SVEP1: variants seen among roughly 807,000 people sequenced by gnomAD.
SVEP1 encodes the protein sushi, von Willebrand factor type A, EGF and pentraxin domain containing 1.
In SVEP1, 164 loss-of-function variants were observed where a neutral mutation model predicts 367.3. The observed-to-expected ratio is 0.45, with a 90% CI of 0.39 to 0.51. The LOEUF (loss-of-function observed/expected upper bound fraction) is 0.51. Ranked by LOEUF, SVEP1 falls within the 20% of genes least tolerant of loss-of-function variation. The pLI, the probability that SVEP1 is intolerant of heterozygous loss-of-function variation, is 0.00. For missense variants in SVEP1, 4,117 were observed against 4,425.3 expected, an observed-to-expected ratio of 0.93 and a Z score of 1.98; for synonymous variants, 1,666 against 1,611.6, an observed-to-expected ratio of 1.03 and a Z score of -0.81.
At chr9:110,450,742 T>G (rs1450926087) in intron 23 of SVEP1, among the ~76,000 whole-genome samples, 1 of 152,076 alleles carries the variant, frequency 6.6e-6, no homozygotes, top group Non-Finnish European at 1.5e-5. Flanking sequence ...CCCAAAATGC[T>G]GGGATTACAG....
Position 110,404,415 on chromosome 9 carries a change from T to G in SVEP1, c.9578A>C (p.His3193Pro), listed in dbSNP as rs754163962. ...CCTATTCACACTGAAATCGTCCCCA[T>G]GTACAAGTATATGTGTTATGTTTTC... The part of the protein sequence containing the change: ...LPENITHILV[H>P]GDDFSVNRQV... The change falls in exon 39 of 48, where the codon CAT (histidine) becomes CCT (proline). Residue 3193 changes from histidine (H) to proline (P), a missense_variant. His to Pro is a moderately conservative substitution (Grantham distance 77, BLOSUM62 -2). Around this residue, in one of 4 missense-constraint regions of SVEP1, gnomAD observed 1,765 missense variants for 1,781.1 expected, o/e 0.99. Transcript: ENST00000374469. 6.2e-7 allele frequency: 1 copy of G among 1,614,002 alleles called. No homozygotes were observed. Among genetic ancestry groups the G allele is most frequent in the Non-Finnish European group, 8.5e-7 (1 of 1,179,878 alleles).
At chr9:110,565,107 C>G (rs1316358191) in intron 1 of SVEP1, among the ~76,000 whole-genome samples, 1 of 151,958 alleles carries the variant, frequency 6.6e-6, no homozygotes, top group Non-Finnish European at 1.5e-5. Flanking sequence ...TGTTTTTTAC[C>G]TGAAGAAAGT....
rs1280160209 is a variant in SVEP1, at chr9:110,408,362, A to G, written c.7238T>C (p.Phe2413Ser). 6.2e-7 allele frequency: 1 copy of G among 1,613,840 alleles called. No individual in the cohort carries two copies. The highest frequency in any genetic ancestry group is 8.5e-7 in the Non-Finnish European group (1 of 1,179,892). ...TVKYSCVGGF[F>S]LRGNSTTLCQ... ...GAGGGTGGTAGAATTTCCTCTTAGG[A>G]AAAACCCACCTACACAAGAATACTT... The change falls in exon 38 of 48, where the codon TTC (phenylalanine) becomes TCC (serine). Residue 2413 changes from phenylalanine to serine, a missense_variant. Transcript: ENST00000374469.
rs995591066 is a variant in SVEP1, at chr9:110,560,284, G to T, written c.532-10180C>A. On this transcript the variant is annotated intron_variant, in intron 1 of 47. Transcript: ENST00000374469. Reference sequence around the variant, plus strand: ...GTGATTAGTAGGCTATACCACCCAGGTTTTTGTAAATACAGTCTGTGATAT... The same window carrying T: ...GTGATTAGTAGGCTATACCACCCAGTTTTTTGTAAATACAGTCTGTGATAT... Among the ~76,000 whole-genome samples the T allele has an allele frequency of 3.9e-5, 6 of 152,244 alleles. No individual in the cohort carries two copies. The South Asian group carries it at 1.0e-3, about 26-fold the overall frequency.
Position 110,546,125 on chromosome 9 carries a change from A to G in SVEP1, c.954T>C (p.Tyr318=). The G allele has an allele frequency of 6.4e-7, 1 of 1,552,378 alleles. No individual in the cohort carries two copies. ...AGATTGGAGACTCACCTGTGCATTC[A>G]TACTGCAGACCTTTCCCGTAATACC... ...EKGYYGKGLQ[Y]ECTACPSGTY... The change falls in exon 3 of 48, where the codon TAT becomes TAC. Residue 318 remains tyrosine, a synonymous_variant. Coordinates refer to ENST00000374469, the MANE Select transcript of SVEP1 (RefSeq NM_153366.4).
intron 12 of SVEP1, among the ~76,000 whole-genome samples, chr9:110,480,357 G>C: frequency 6.6e-6 from 1 of 152,024 alleles, no homozygotes; most frequent in East Asian, 1.9e-4. Context: ...CTGCAGTTTG[G>C]GGGGAAAATA....
chr9:110,500,162 C>G (rs1829510797), intron 6 of SVEP1, among the ~76,000 whole-genome samples: 2 of 152,160 alleles, frequency 1.3e-5, no homozygotes, highest in South Asian at 4.1e-4. Flanking sequence ...TCTTTCCAAA[C>G]TGTGCCAGCA....
At chr9:110,455,730 A>T in intron 21 of SVEP1, 27 bp from the exon 22 acceptor site, 3 of 1,574,858 alleles carry the variant, frequency 1.9e-6, no homozygotes, top group Non-Finnish European at 2.6e-6. Flanking sequence ...ATGCTGAGGG[A>T]CAATCCAAGG....
At chr9:110,468,895 CA>C in intron 17 of SVEP1, 44 bp downstream of exon 17, 2 of 1,496,156 alleles carry the variant, frequency 1.3e-6, no homozygotes, top group Non-Finnish European at 1.8e-6. Flanking sequence ...AAAAGGGAAA[CA>C]AAAATTGGGC....
chr9:110,571,471 T>G (rs971342906), intron 1 of SVEP1, among the ~76,000 whole-genome samples: 2 of 152,132 alleles, frequency 1.3e-5, no homozygotes, highest in Non-Finnish European at 2.9e-5. Context: ...GGAGCTCCAG[T>G]AGCCAACTGA....
chr9:110,453,713 C>A (rs1448262962), intron 22 of SVEP1, among the ~76,000 whole-genome samples: 2 of 151,718 alleles, frequency 1.3e-5, no homozygotes, highest in Non-Finnish European at 2.9e-5. Flanking sequence ...ACTAAAAATA[C>A]AAAAAATTAG....
At chr9:110,537,906 A>G (rs1830098153) in intron 3 of SVEP1, among the ~76,000 whole-genome samples, 1 of 151,826 alleles carries the variant, frequency 6.6e-6, no homozygotes, top group Non-Finnish European at 1.5e-5. Context: ...AGTAGATGTT[A>G]AATGTTTTCC....
At position 110,407,436 on chromosome 9, in the gene SVEP1, C is replaced by G. The variant is rs1564133705; in HGVS notation, c.8164G>C (p.Ala2722Pro). The G allele has an allele frequency of 6.2e-7, 1 of 1,614,004 alleles. No individual in the cohort carries two copies. The change falls in exon 38 of 48, where the codon GCT becomes CCT. Residue 2722 changes from alanine (A) to proline (P), a missense_variant. Coordinates refer to ENST00000374469, the MANE Select transcript of SVEP1 (RefSeq NM_153366.4). Reference protein sequence around the residue: ...CISIECDLPTAPENGFLRFTE... With the variant: ...CISIECDLPTPPENGFLRFTE... Reference sequence around the variant, plus strand: ...AAACGCAAAAAGCCATTTTCAGGAGCAGTAGGCAAGTCACATTCAATTGAA... The same window carrying G: ...AAACGCAAAAAGCCATTTTCAGGAGGAGTAGGCAAGTCACATTCAATTGAA...
At chr9:110,465,699 T>C (rs1828925519) in intron 18 of SVEP1, among the ~76,000 whole-genome samples, 166 bp downstream of exon 18, 1 of 152,214 alleles carries the variant, frequency 6.6e-6, no homozygotes, top group African/African-American at 2.4e-5. Context: ...AAGTGTTAAC[T>C]GGCTGAGAAA....
At chr9:110,480,005 T>C (rs962083451) in intron 12 of SVEP1, among the ~76,000 whole-genome samples, 5 of 152,200 alleles carry the variant, frequency 3.3e-5, no homozygotes, top group Non-Finnish European at 5.9e-5. Flanking sequence ...TTATCTTCCA[T>C]TCATACAAAA....
In SVEP1 at chr9:110,366,470, C is replaced by T; in HGVS notation, c.*69G>A. 2 of 1,446,670 alleles carry T rather than the reference C, an allele frequency of 1.4e-6. No homozygotes were observed. Among genetic ancestry groups the T allele is most frequent in the Non-Finnish European group, 1.8e-6 (2 of 1,093,828 alleles). 89.6% of individuals were successfully genotyped at this position (1,446,670 alleles called of 1,614,324 possible). ...ATGTTGGACTTTCTTTGCATAAGTT[C>T]CAGGATGCCCAGGCACTACCGAGGA... On this transcript the variant is annotated 3_prime_UTR_variant, in exon 48 of 48. Coordinates refer to ENST00000374469, the MANE Select transcript of SVEP1 (RefSeq NM_153366.4).
intron 6 of SVEP1, among the ~76,000 whole-genome samples, chr9:110,502,563 C>T (rs1013022163): frequency 5.3e-5 from 8 of 152,032 alleles, no homozygotes; most frequent in Non-Finnish European, 1.0e-4. Context: ...TTTCAATTTG[C>T]CTTGCAGTTG....
chr9:110,417,133 C>G (rs1564137280), intron 36 of SVEP1, among the ~76,000 whole-genome samples: 1 of 151,828 alleles, frequency 6.6e-6, no homozygotes, highest in African/African-American at 2.4e-5. Context: ...CGAATAGGAA[C>G]AGCTCCGGTC....
intron 8 of SVEP1, among the ~76,000 whole-genome samples, chr9:110,491,214 A>T (rs1349187053): frequency 6.6e-6 from 1 of 151,664 alleles, no homozygotes; most frequent in African/African-American, 2.4e-5. Context: ...GTTGTTTCTT[A>T]TTATTCTTTT....
Sources: gnomAD v4.1 joint callset for allele counts (sites outside exome capture counted in the v4.1 genomes callset) on GRCh38, gnomAD v4.1.1 for gene constraint, gnomAD v4.1.1 regional missense constraint, MANE v1.5 for transcripts, NCBI Gene and HGNC (gene_info 2026-07-23, HGNC 2026-07-21) for gene names.